TMEM132D: variants seen among roughly 807,000 people sequenced by gnomAD.
The protein encoded by TMEM132D is mature OL transmembrane protein.
TMEM132D carries 21 observed loss-of-function variants against 62.3 expected under a neutral mutation model. The ratio of observed to expected loss-of-function variants is 0.34; its 90% CI spans 0.24 to 0.49. The LOEUF (loss-of-function observed/expected upper bound fraction) is 0.49. TMEM132D is among the 20% of genes least tolerant of loss of function. TMEM132D has a pLI of 0.99. For synonymous variants in TMEM132D, 621 were observed against 575.6 expected, an observed-to-expected ratio of 1.08 and a Z score of -1.13; for missense variants, 1,346 against 1,402.8, an observed-to-expected ratio of 0.96 and a Z score of 0.65.
At chr12:129,854,845 G>A (rs567561258) in intron 1 of TMEM132D, 2 of 152,402 alleles carry the variant, frequency 1.3e-5, no homozygotes, top group African/African-American at 4.8e-5. Flanking sequence ...CATCTGGCTG[G>A]AGACTCCCTC....
chr12:129,885,133 T>A (rs1874709852), intron 1 of TMEM132D, among the ~76,000 whole-genome samples: 1 of 152,196 alleles, frequency 6.6e-6, no homozygotes, highest in African/African-American at 2.4e-5. Context: ...GAGGGGCCCA[T>A]TATCAAGGGG....
intron 1 of TMEM132D, among the ~76,000 whole-genome samples, chr12:129,771,585 G>A (rs140601666): frequency 5.9e-5 from 9 of 152,178 alleles, no homozygotes; most frequent in Admixed American, 2.0e-4. Context: ...GAGAGTTCAT[G>A]TTTGCTAAAG....
intron 2 of TMEM132D, among the ~76,000 whole-genome samples, chr12:129,673,394 G>A (rs7969056): frequency 0.31 from 47,324 of 152,006 alleles, 7,702 homozygotes; most frequent in Non-Finnish European, 0.36. Context: ...GTACAGATCC[G>A]TTTTTCCATT....
chr12:129,456,770 C>A (rs7311092), intron 3 of TMEM132D, among the ~76,000 whole-genome samples: 1 of 152,136 alleles, frequency 6.6e-6, no homozygotes, highest in Non-Finnish European at 1.5e-5. Flanking sequence ...CCTCTACGAG[C>A]TGCATCTCTC....
chr12:129,138,380 T>C (rs1238896605), intron 5 of TMEM132D, among the ~76,000 whole-genome samples: 1 of 152,208 alleles, frequency 6.6e-6, no homozygotes, highest in Non-Finnish European at 1.5e-5. Flanking sequence ...TGCAAAATCA[T>C]GTTTATTTAT....
At position 129,899,202 on chromosome 12, in the gene TMEM132D, T is replaced by G. The variant is rs1216308889; in HGVS notation, c.79+4059A>C. Among the ~76,000 whole-genome samples the G allele has an allele frequency of 5.2e-5, 7 of 133,824 alleles. 3 individuals carry two copies. Among genetic ancestry groups the G allele is most frequent in the African/African-American group, 2.3e-4 (7 of 30,074 alleles). 87.8% of individuals were successfully genotyped at this position (133,824 alleles called of 152,430 possible). ...ATAGAAGGATGGAATGATGAATGAA[T>G]GGATGGATGGGCAGACAGACAGATG... is the stretch of plus-strand genomic sequence containing the variant. On this transcript the variant is annotated intron_variant, in intron 1 of 8. Coordinates refer to ENST00000422113, the MANE Select transcript of TMEM132D (RefSeq NM_133448.3).
chr12:129,125,482 G>A (rs961615797), intron 5 of TMEM132D, among the ~76,000 whole-genome samples: 3 of 149,324 alleles, frequency 2.0e-5, no homozygotes, highest in South Asian at 2.1e-4. Context: ...GTGATGTGAC[G>A]ATGTCGAATT....
chr12:129,176,546 T>C (rs1386145725), intron 5 of TMEM132D, among the ~76,000 whole-genome samples: 1 of 152,204 alleles, frequency 6.6e-6, no homozygotes, highest in Non-Finnish European at 1.5e-5. Flanking sequence ...CCTTCTCTGA[T>C]CTAGGGAGGG....
chr12:129,209,472 G>A, intron 5 of TMEM132D, 48 bp downstream of exon 5: 1 of 1,607,310 alleles, frequency 6.2e-7, no homozygotes, highest in Non-Finnish European at 8.5e-7. Context: ...GAGCACAGAA[G>A]CTGACATGAC....
chr12:129,519,473 G>A lies in TMEM132D; in HGVS notation c.1115+11586C>T, dbSNP rs574560361. 7.2e-5 allele frequency among the ~76,000 whole-genome samples: 11 copies of A among 152,228 alleles called. No homozygotes were observed. The South Asian group carries it at 8.3e-4, about 11-fold the overall frequency. On this transcript the variant is annotated intron_variant, in intron 3 of 8. Coordinates refer to ENST00000422113, the MANE Select transcript of TMEM132D (RefSeq NM_133448.3). ...CAATTTAGAAAATGTTTTGAAAGCC[G>A]CATTTCAATATAGCTGCATTCCTCA...
intron 2 of TMEM132D, among the ~76,000 whole-genome samples, chr12:129,661,388 A>G (rs977963647): frequency 6.6e-6 from 1 of 152,246 alleles, no homozygotes; most frequent in Non-Finnish European, 1.5e-5. Context: ...ATTTTCACAG[A>G]TCGCAAAACA....
Position 129,160,156 on chromosome 12 carries a change from C to T in TMEM132D, c.1443+49364G>A, listed in dbSNP as rs541421423. Among the ~76,000 whole-genome samples, 30 of 152,336 alleles carry T rather than the reference C, an allele frequency of 2.0e-4. No homozygotes were observed. In the South Asian group the frequency reaches 4.1e-3, roughly 21 times the overall value. ...TCTATGCTTTGCTACTGCATCAACT[C>T]CTGGTGTATGTTGGGGTCATATGGA... On this transcript the variant is annotated intron_variant, in intron 5 of 8. Transcript: ENST00000422113.
chr12:129,670,196 A>T (rs1880471359), intron 2 of TMEM132D, among the ~76,000 whole-genome samples: 1 of 152,226 alleles, frequency 6.6e-6, no homozygotes. Context: ...TCCTGGGCTT[A>T]GGCTGAACTA....
intron 3 of TMEM132D, among the ~76,000 whole-genome samples, chr12:129,452,964 G>GT (rs1873344747): frequency 6.6e-6 from 1 of 152,172 alleles, no homozygotes; most frequent in Non-Finnish European, 1.5e-5. Context: ...TTGGTGGCCT[G>GT]TTAGGTACTG....
chr12:129,325,162 A>T (rs1489294539), intron 4 of TMEM132D, among the ~76,000 whole-genome samples: 1 of 152,212 alleles, frequency 6.6e-6, no homozygotes, highest in Non-Finnish European at 1.5e-5. Flanking sequence ...CAGCATGGTT[A>T]CTGAGCTTCT....
chr12:129,084,565 C>T lies in TMEM132D; in HGVS notation c.1581G>A (p.Gln527=), dbSNP rs1242731321. The change falls in exon 6 of 9, where the codon CAG becomes CAA. Residue 527 remains glutamine, a synonymous_variant. Transcript: ENST00000422113. ...MTVWVPRLPL[Q]IEVSDTELNQ... ...TGAGCTCGGTGTCGGAGACCTCGAT[C>T]TGCAGCGGAAGCCGGGGCACCCACA... is the stretch of plus-strand genomic sequence containing the variant. 1.9e-6 allele frequency: 3 copies of T among 1,613,932 alleles called. No homozygotes were observed. Among genetic ancestry groups the T allele is most frequent in the African/African-American group, 1.3e-5 (1 of 74,928 alleles).
chr12:129,616,577 T>A (rs1376824438), intron 2 of TMEM132D, among the ~76,000 whole-genome samples: 1 of 152,214 alleles, frequency 6.6e-6, no homozygotes, highest in African/African-American at 2.4e-5. Context: ...ACCCCCATGC[T>A]GCTATTCTTG....
At chr12:129,882,946 C>A (rs1443549379) in intron 1 of TMEM132D, among the ~76,000 whole-genome samples, 2 of 152,158 alleles carry the variant, frequency 1.3e-5, no homozygotes, top group Non-Finnish European at 2.9e-5. Flanking sequence ...AATGTGATGT[C>A]TTTCCCCTAA....
At chr12:129,160,014 T>C (rs74794961) in intron 5 of TMEM132D, among the ~76,000 whole-genome samples, 1,807 of 152,152 alleles carry the variant, frequency 0.012, 43 homozygotes, top group African/African-American at 0.041. Flanking sequence ...TAGAAGAGCA[T>C]GGAGCAAGGA....
Sources: allele counts gnomAD v4.1 joint callset (sites outside exome capture counted in the v4.1 genomes callset), GRCh38; gene constraint gnomAD v4.1.1; transcripts MANE v1.5; gene names NCBI Gene and HGNC (gene_info 2026-07-23, HGNC 2026-07-21).